The following RNF8 variants were observed in gnomAD, a reference collection of about 807,000 sequenced individuals.
RNF8 encodes E3 ubiquitin-protein ligase RNF8.
In RNF8, 8 loss-of-function variants were observed where a neutral mutation model predicts 59.3. The ratio of observed to expected loss-of-function variants is 0.13; its 90% CI spans 0.08 to 0.24. The LOEUF is 0.24. Ranked by LOEUF, RNF8 falls within the 10% of genes least tolerant of loss-of-function variation. RNF8 has a pLI of 1.00. For missense variants in RNF8, 406 were observed against 572.6 expected (o/e 0.71, Z 2.97); for synonymous variants, 162 against 200.0 (o/e 0.81, Z 1.60).
chr6:37,366,020 C>G (rs195385), intron 2 of RNF8, among the ~76,000 whole-genome samples: 1 of 151,884 alleles, frequency 6.6e-6, no homozygotes, highest in Non-Finnish European at 1.5e-5. Flanking sequence ...TTGAGTTTAC[C>G]TTCCAGCTTC....
intron 2 of RNF8, among the ~76,000 whole-genome samples, chr6:37,364,672 C>T (rs928627937): frequency 6.6e-6 from 1 of 152,228 alleles, no homozygotes; most frequent in African/African-American, 2.4e-5. Flanking sequence ...CAAATATATA[C>T]TTGTCCAGTG....
At chr6:37,361,767 AAGTTG>A (rs1769334528) in intron 2 of RNF8, among the ~76,000 whole-genome samples, 1 of 152,194 alleles carries the variant, frequency 6.6e-6, no homozygotes, top group African/African-American at 2.4e-5. Flanking sequence ...CTCTAGAATT[AAGTTG>A]AGTTGGCACT....
In RNF8 at chr6:37,369,201, G is replaced by C; in HGVS notation, c.958G>C (p.Glu320Gln). 6.2e-7 allele frequency: 1 copy of C among 1,611,188 alleles called. No individual in the cohort carries two copies. Among genetic ancestry groups the C allele is most frequent in the Non-Finnish European group, 8.5e-7 (1 of 1,178,674 alleles). Reference protein sequence around the residue: ...VEQLEKTFQEEEQHLQGLEIA... With the variant: ...VEQLEKTFQEQEQHLQGLEIA... ...GCAACTAGAGAAGACTTTCCAGGAA[G>C]AGGAACAGCATCTTCAGGTACCACA... Residue 320 changes from glutamate (E) to glutamine (Q), a missense_variant, in exon 3 of 8, where the codon GAG (glutamate) becomes CAG (glutamine). Physicochemically the swap from Glu to Gln is conservative, Grantham distance 29 (BLOSUM62 2). Coordinates refer to ENST00000373479, the MANE Select transcript of RNF8 (RefSeq NM_003958.4).
chr6:37,358,522 G>T (rs1769200355), intron 1 of RNF8, among the ~76,000 whole-genome samples: 1 of 152,158 alleles, frequency 6.6e-6, no homozygotes, highest in Non-Finnish European at 1.5e-5. Flanking sequence ...ATTTACCAGT[G>T]ATTTCAATGT....
At chr6:37,364,029 A>G (rs372623161) in intron 2 of RNF8, among the ~76,000 whole-genome samples, 7 of 152,062 alleles carry the variant, frequency 4.6e-5, no homozygotes, top group East Asian at 1.9e-4. Context: ...AATATAAAAA[A>G]TTAGCCAGGC....
Position 37,354,080 on chromosome 6 carries a change from T to A in RNF8, c.-85T>A. The A allele has an allele frequency of 2.7e-6, 3 of 1,093,954 alleles. No individual in the cohort carries two copies. The highest frequency in any genetic ancestry group is 2.7e-6 in the Non-Finnish European group (2 of 732,668). 67.8% of individuals were successfully genotyped at this position (1,093,954 alleles called of 1,614,324 possible). A position where few individuals can be genotyped will look rare whatever the true frequency, so the allele number is the denominator to read the frequency against. ...ATTGCTTCTGTCTGTTATTTAGATATGGAAGCTGAGGGGATGCACAGAGGC... is the reference window on the plus strand; with the variant it reads ...ATTGCTTCTGTCTGTTATTTAGATAAGGAAGCTGAGGGGATGCACAGAGGC... On this transcript the variant is annotated 5_prime_UTR_variant, in exon 1 of 8. An upstream start codon of the reference 5' UTR is lost. Coordinates refer to ENST00000373479, the MANE Select transcript of RNF8 (RefSeq NM_003958.4).
rs1770704362 is a variant in RNF8 at position 37,390,831 on chromosome 6, A to G, written c.*73A>G. ...TGAGATGGTCTGGAGGATTCTCTCT[A>G]GCCGTGACTCCGCTGCTCTGAAGGT... On this transcript the variant is annotated 3_prime_UTR_variant, in exon 8 of 8. Transcript: ENST00000373479. The G allele has an allele frequency of 1.2e-6, 2 of 1,613,792 alleles. No homozygotes were observed. Among genetic ancestry groups the G allele is most frequent in the South Asian group, 2.2e-5 (2 of 91,080 alleles).
At chr6:37,378,921 C>T (rs1397914161) in intron 6 of RNF8, among the ~76,000 whole-genome samples, 1 of 152,202 alleles carries the variant, frequency 6.6e-6, no homozygotes, top group African/African-American at 2.4e-5. Flanking sequence ...ACATAAACAA[C>T]TTGACCCTGT....
At chr6:37,389,400 ACTT>A (rs1770638674) in intron 7 of RNF8, among the ~76,000 whole-genome samples, 1 of 151,834 alleles carries the variant, frequency 6.6e-6, no homozygotes, top group Admixed American at 6.6e-5. Context: ...AGAATAGATA[ACTT>A]CTTCACAAAA....
chr6:37,364,667 A>G (rs1769474415), intron 2 of RNF8, among the ~76,000 whole-genome samples: 1 of 152,258 alleles, frequency 6.6e-6, no homozygotes, highest in Admixed American at 6.5e-5. Flanking sequence ...AGAGTCAAAT[A>G]TATACTTGTC....
rs373107857 is a variant in RNF8, at chr6:37,362,204, T to G, written c.240+1630T>G. Among the ~76,000 whole-genome samples, 78 of 152,330 alleles carry G rather than the reference T, an allele frequency of 5.1e-4. No individual in the cohort carries two copies. The South Asian group carries it at 0.015, about 29-fold the overall frequency. On this transcript the variant is annotated intron_variant, in intron 2 of 7. Coordinates refer to ENST00000373479, the MANE Select transcript of RNF8 (RefSeq NM_003958.4). ...AGAGGTGAGTTCTCTGCTGCTGCTT[T>G]TCTTAATTATGTGCAGTGTAGATGT...
chr6:37,388,052 G>A (rs1770583635), intron 7 of RNF8, among the ~76,000 whole-genome samples: 1 of 151,952 alleles, frequency 6.6e-6, no homozygotes, highest in African/African-American at 2.4e-5. Context: ...TGATGTTTGT[G>A]TTTTTCTGGA....
rs1396132456 is a variant in RNF8, at chr6:37,360,366, C to T, written c.112-80C>T. 1.3e-6 allele frequency: 2 copies of T among 1,555,912 alleles called. No homozygotes were observed. The highest frequency in any genetic ancestry group is 2.7e-5 in the African/African-American group (2 of 73,214). On this transcript the variant is annotated intron_variant, in intron 1 of 7. Coordinates refer to ENST00000373479, the MANE Select transcript of RNF8 (RefSeq NM_003958.4). The surrounding 1 kb of genome is among the most constrained non-coding windows in gnomAD (Gnocchi z 4.2). The stretch of plus-strand genomic sequence containing the variant: ...CTTAAGTCAGGACCTGCATATGCTG[C>T]TGGTTGATGAGATTTGTAAAGGACC...
At chr6:37,370,149 TC>T (rs1554192424) in intron 3 of RNF8, 1 of 152,216 alleles carries the variant, frequency 6.6e-6, no homozygotes, top group Non-Finnish European at 1.5e-5. Flanking sequence ...TTTGGGTTGC[TC>T]AGGGTAAGGA....
chr6:37,362,852 T>C (rs1350080378), intron 2 of RNF8, among the ~76,000 whole-genome samples: 1 of 152,244 alleles, frequency 6.6e-6, no homozygotes, highest in Non-Finnish European at 1.5e-5. Context: ...AGAAATGTTA[T>C]TTTGGTTTAA....
chr6:37,356,345 A>G (rs1335513953), intron 1 of RNF8, among the ~76,000 whole-genome samples: 2 of 152,228 alleles, frequency 1.3e-5, no homozygotes, highest in Non-Finnish European at 2.9e-5. Context: ...TATGGTCCCC[A>G]AATCATAGCA....
At chr6:37,375,411 G>T (rs1381429905) in intron 5 of RNF8, among the ~76,000 whole-genome samples, 2 of 152,198 alleles carry the variant, frequency 1.3e-5, no homozygotes, top group Non-Finnish European at 2.9e-5. Context: ...AGCTTTTTGT[G>T]TGTGTTTTAA....
chr6:37,385,855 A>ATT lies in RNF8; in HGVS notation c.1441+4517_1441+4518dup, dbSNP rs771282241. Among the ~76,000 whole-genome samples, 730 of 117,164 alleles carry ATT rather than the reference A, an allele frequency of 6.2e-3. 8 individuals carry two copies. Among genetic ancestry groups the ATT allele is most frequent in the African/African-American group, 0.02 (675 of 33,244 alleles). 76.9% of individuals were successfully genotyped at this position (117,164 alleles called of 152,430 possible). A position where few individuals can be genotyped will look rare whatever the true frequency, so the allele number is the denominator to read the frequency against. On this transcript the variant is annotated intron_variant, in intron 7 of 7. Transcript: ENST00000373479. Reference sequence around the variant, plus strand: ...CTCTGTTTAATTTCTTTCCTTTGTCATTTTTTTTTTTTTTTTTGAAAAAGG... The same window carrying ATT: ...CTCTGTTTAATTTCTTTCCTTTGTCATTTTTTTTTTTTTTTTTTTGAAAAAGG...
intron 6 of RNF8, 146 bp from the exon 7 acceptor site, chr6:37,381,004 T>C: frequency 1.4e-6 from 1 of 729,572 alleles, no homozygotes; most frequent in Non-Finnish European, 2.4e-6. Flanking sequence ...ATGATTCTGA[T>C]ACTCTTTATA....
Sources: gnomAD v4.1 joint callset for allele counts (sites outside exome capture counted in the v4.1 genomes callset) on GRCh38, gnomAD v4.1.1 for gene constraint, Gnocchi (gnomAD v3.1) non-coding constraint, MANE v1.5 for transcripts, NCBI Gene and HGNC (gene_info 2026-07-23, HGNC 2026-07-21) for gene names.